Variants in SMU1 observed in about 807,000 individuals in gnomAD.
SMU1 encodes the protein WD40 repeat-containing protein SMU1.
SMU1 carries 2 observed loss-of-function variants against 62.0 expected under a neutral mutation model. That is an observed-to-expected ratio of 0.03 (90% CI 0.01 to 0.10). The LOEUF is 0.10. SMU1 is among the 10% of genes least tolerant of loss of function. The pLI is 1.00. For synonymous variants in SMU1, 188 were observed against 212.4 expected (o/e 0.89, Z 1.00); for missense variants, 227 against 622.1 (o/e 0.36, Z 6.76).
chr9:33,045,317 T>A lies in SMU1; in HGVS notation c.*1976A>T, dbSNP rs754124695. Reference sequence around the variant, plus strand: ...GGATGACTGTCTACATGCTCAGGAATCCTGAATTCATGACTATGTTCAACT... The same window carrying A: ...GGATGACTGTCTACATGCTCAGGAAACCTGAATTCATGACTATGTTCAACT... On this transcript the variant is annotated 3_prime_UTR_variant, in exon 12 of 12. Coordinates refer to ENST00000397149, the MANE Select transcript of SMU1 (RefSeq NM_018225.3). 29 of 152,362 alleles carry A rather than the reference T, an allele frequency of 1.9e-4. No individual in the cohort carries two copies. In the Middle Eastern group the frequency reaches 0.01, roughly 54 times the overall value. The allele number at this position is 152,362 out of a possible 1,614,324, so 9.4% of individuals were successfully genotyped here.
rs1312727495 is a variant in SMU1 at position 33,042,340 on chromosome 9, GAGAGCCTATGAAAAAAC to G, written c.*4936_*4952del. 4 of 152,618 alleles carry G rather than the reference GAGAGCCTATGAAAAAAC, an allele frequency of 2.6e-5. No homozygotes were observed. The highest frequency in any genetic ancestry group is 2.9e-5 in the Non-Finnish European group (2 of 68,044). 9.5% of individuals were successfully genotyped at this position (152,618 alleles called of 1,614,324 possible). A position where few individuals can be genotyped will look rare whatever the true frequency, so the allele number is the denominator to read the frequency against. On this transcript the variant is annotated 3_prime_UTR_variant, in exon 12 of 12. Coordinates refer to ENST00000397149, the MANE Select transcript of SMU1 (RefSeq NM_018225.3). ...TAATTCTCAGAACAATGTAATGAGGGAGAGCCTATGAAAAAACAAAGCCTATGAAACAGAGCCTATGA... is the reference window on the plus strand; with the variant it reads ...TAATTCTCAGAACAATGTAATGAGGGAAAGCCTATGAAACAGAGCCTATGA...
At chr9:33,070,806 A>C (rs1839477169) in intron 3 of SMU1, among the ~76,000 whole-genome samples, 1 of 152,196 alleles carries the variant, frequency 6.6e-6, no homozygotes, top group Admixed American at 6.5e-5. Context: ...GTTCTCATTT[A>C]TTTGCAGGAA....
chr9:33,057,117 T>C (rs559027479), intron 7 of SMU1, 153 bp from the exon 8 acceptor site: 57 of 282,340 alleles, frequency 2.0e-4, no homozygotes, highest in African/African-American at 1.1e-3. Context: ...CTAGTTCACA[T>C]AGTACAATGG....
At chr9:33,064,540 T>C (rs1839397632) in intron 4 of SMU1, among the ~76,000 whole-genome samples, 1 of 152,190 alleles carries the variant, frequency 6.6e-6, no homozygotes, top group African/African-American at 2.4e-5. Flanking sequence ...GGTTTTGTGG[T>C]ATTCCCCATT....
chr9:33,063,494 C>A (rs1019598555), intron 4 of SMU1, among the ~76,000 whole-genome samples: 3 of 152,110 alleles, frequency 2.0e-5, no homozygotes, highest in African/African-American at 7.2e-5. Context: ...CAAGAAAACT[C>A]AATAATTTTT....
At position 33,062,163 on chromosome 9, in the gene SMU1, C is replaced by T; in HGVS notation, c.516G>A (p.Gln172=). The stretch of plus-strand genomic sequence containing the variant: ...CAGGAGGAAGCAATCCCTGATGCTG[C>T]TGCCACTTCAGTGCCTATGAGGAAA... ...MALLGQALKW[Q]QHQGLLPPGM... is the part of the protein sequence containing the mutation. The change falls in exon 5 of 12, where the codon CAG becomes CAA. Residue 172 remains glutamine, a synonymous_variant. Coordinates refer to ENST00000397149, the MANE Select transcript of SMU1 (RefSeq NM_018225.3). 1 of 1,613,172 alleles carries T rather than the reference C, an allele frequency of 6.2e-7. No individual in the cohort carries two copies. The highest frequency in any genetic ancestry group is 1.1e-5 in the South Asian group (1 of 91,034).
At chr9:33,060,412 T>A (rs41305659) in intron 6 of SMU1, 53 bp downstream of exon 6, 101,416 of 1,498,928 alleles carry the variant, frequency 0.068, 4,084 homozygotes, top group Middle Eastern at 0.086. Flanking sequence ...GGTAAGTAAT[T>A]CAAAGCAGGT....
In SMU1 at chr9:33,044,039, CG is replaced by C. The variant is rs1475678309; in HGVS notation, c.*3253del. On this transcript the variant is annotated 3_prime_UTR_variant, in exon 12 of 12. Coordinates refer to ENST00000397149, the MANE Select transcript of SMU1 (RefSeq NM_018225.3). ...GCCATACTACTCCCAAATACCTCCG[CG>C]CAATGTTTTCCAGTCATTAATTCAA... 1 of 150,240 alleles carries C rather than the reference CG, an allele frequency of 6.7e-6. No individual in the cohort carries two copies. The highest frequency in any genetic ancestry group is 1.5e-5 in the Non-Finnish European group (1 of 67,758). 9.3% of individuals were successfully genotyped at this position (150,240 alleles called of 1,614,324 possible). A position where few individuals can be genotyped will look rare whatever the true frequency, so the allele number is the denominator to read the frequency against.
In SMU1 at chr9:33,043,532, CAAA is replaced by C. The variant is rs1307252844; in HGVS notation, c.*3758_*3760del. The C allele has an allele frequency of 2.6e-5, 4 of 152,170 alleles. No homozygotes were observed. The highest frequency in any genetic ancestry group is 9.7e-5 in the African/African-American group (4 of 41,410). The allele number at this position is 152,170 out of a possible 1,614,324, so 9.4% of individuals were successfully genotyped here. On this transcript the variant is annotated 3_prime_UTR_variant, in exon 12 of 12. Transcript: ENST00000397149. ...TAAGAACCACTGTTCTAGCACAAGC[CAAA>C]AGAAGTGACAGCAAAGACTGACATC... is the stretch of plus-strand genomic sequence containing the variant.
intron 10 of SMU1, among the ~76,000 whole-genome samples, chr9:33,052,552 C>A (rs1446607952): frequency 6.6e-6 from 1 of 152,146 alleles, no homozygotes; most frequent in Non-Finnish European, 1.5e-5. Context: ...TCAGCAAGAT[C>A]CCCAAGTGTC....
chr9:33,047,808 G>A (rs911263344), intron 11 of SMU1, among the ~76,000 whole-genome samples: 39 of 151,272 alleles, frequency 2.6e-4, no homozygotes, highest in African/African-American at 8.5e-4. Context: ...GTAGTGAGCC[G>A]AGATCACACC....
intron 6 of SMU1, among the ~76,000 whole-genome samples, chr9:33,060,204 C>G (rs894423236): frequency 6.6e-6 from 1 of 151,980 alleles, no homozygotes; most frequent in East Asian, 1.9e-4. Flanking sequence ...TTGGTAGAGA[C>G]GCGGTCTCAC....
intron 9 of SMU1, among the ~76,000 whole-genome samples, chr9:33,054,165 G>C (rs1330771726): frequency 6.6e-6 from 1 of 151,050 alleles, no homozygotes; most frequent in Non-Finnish European, 1.5e-5. Flanking sequence ...AACAAAAACC[G>C]CTTTTCTTTT....
At chr9:33,069,592 G>A (rs548814562) in intron 3 of SMU1, among the ~76,000 whole-genome samples, 77 of 152,322 alleles carry the variant, frequency 5.1e-4, no homozygotes, top group East Asian at 4.1e-3. Flanking sequence ...CCCGAGGTCA[G>A]GAGTTTGTGA....
In SMU1 at chr9:33,071,851, G is replaced by C; in HGVS notation, c.279C>G (p.Ala93=). Residue 93 remains alanine, a synonymous_variant, in exon 3 of 12, where the codon GCC becomes GCG. Transcript: ENST00000397149. The part of the protein sequence containing the change: ...ELIELRELGA[A]RSLLRQTDPM... ...GATCAGTCTGTCTCAAAAGTGACCTGGCAGCACCCAATTCACGGAGCTCTA... is the reference window on the plus strand; with the variant it reads ...GATCAGTCTGTCTCAAAAGTGACCTCGCAGCACCCAATTCACGGAGCTCTA... The C allele has an allele frequency of 1.3e-6, 2 of 1,592,242 alleles. No homozygotes were observed. Among genetic ancestry groups the C allele is most frequent in the Non-Finnish European group, 1.7e-6 (2 of 1,172,776 alleles).
chr9:33,052,072 CTA>C (rs1329075712), intron 10 of SMU1, among the ~76,000 whole-genome samples: 2 of 150,710 alleles, frequency 1.3e-5, no homozygotes, highest in African/African-American at 4.9e-5. Context: ...TTACATGACT[CTA>C]TACATGTAAT....
At chr9:33,057,176 A>C (rs1321291049) in intron 7 of SMU1, among the ~76,000 whole-genome samples, 2 of 152,182 alleles carry the variant, frequency 1.3e-5, no homozygotes, top group Non-Finnish European at 2.9e-5. Flanking sequence ...AATTATTAAA[A>C]CAAAAATATA....
chr9:33,073,648 G>C lies in SMU1; in HGVS notation c.185C>G (p.Ala62Gly). The C allele has an allele frequency of 6.2e-7, 1 of 1,613,024 alleles. No individual in the cohort carries two copies. Among genetic ancestry groups the C allele is most frequent in the East Asian group, 2.2e-5 (1 of 44,890 alleles). The change falls in exon 2 of 12, where the codon GCT (alanine) becomes GGT (glycine). Residue 62 changes from alanine (A) to glycine (G), a missense_variant. Around this residue, in one of 5 missense-constraint regions of SMU1, gnomAD observed 99 missense variants for 270.3 expected, o/e 0.37. Transcript: ENST00000397149. ...NSGHWDTVLQ[A>G]IQSLKLPDKT... Reference sequence around the variant, plus strand: ...GTCTGGCAATTTCAGAGACTGTATAGCCTGCAACACAGTATCCCAATGGCC... The same window carrying C: ...GTCTGGCAATTTCAGAGACTGTATACCCTGCAACACAGTATCCCAATGGCC...
At chr9:33,060,268 C>T (rs1839348612) in intron 6 of SMU1, among the ~76,000 whole-genome samples, 197 bp downstream of exon 6, 1 of 152,190 alleles carries the variant, frequency 6.6e-6, no homozygotes, top group African/African-American at 2.4e-5. Flanking sequence ...ATCCTCCTGC[C>T]TCAGCCTCCT....
Sources: gnomAD v4.1 joint callset for allele counts (sites outside exome capture counted in the v4.1 genomes callset) on GRCh38, gnomAD v4.1.1 for gene constraint, gnomAD v4.1.1 regional missense constraint, MANE v1.5 for transcripts, NCBI Gene and HGNC (gene_info 2026-07-23, HGNC 2026-07-21) for gene names.